The following CYBRD1 variants were observed in gnomAD, a reference collection of about 807,000 sequenced individuals.
The protein encoded by CYBRD1 is plasma membrane ascorbate-dependent reductase CYBRD1.
A neutral mutation model predicts 21.9 loss-of-function variants in CYBRD1; 14 were observed. That is an observed-to-expected ratio of 0.64 (90% CI 0.42 to 1.00). The LOEUF is 1.00. Among genes scored for constraint, CYBRD1 ranks in the 50% least tolerant of loss-of-function variants. The probability of loss-of-function intolerance (pLI) is 0.00; values close to 1 mark genes in which losing one functional copy is unlikely to be tolerated. For missense variants in CYBRD1, 328 were observed against 352.5 expected, an observed-to-expected ratio of 0.93 and a Z score of 0.56; for synonymous variants, 146 against 136.5, an observed-to-expected ratio of 1.07 and a Z score of -0.48.
intron 1 of CYBRD1, among the ~76,000 whole-genome samples, chr2:171,535,138 G>A (rs1370644957): frequency 6.6e-6 from 1 of 152,166 alleles, no homozygotes; most frequent in Admixed American, 6.6e-5. Flanking sequence ...GAGGAGAGAG[G>A]TTGGAAGTAG....
Position 171,554,712 on chromosome 2 carries a change from T to C in CYBRD1, c.746T>C (p.Met249Thr), listed in dbSNP as rs1398598898. The change falls in exon 4 of 4, where the codon ATG becomes ACG. Residue 249 changes from methionine (M) to threonine (T), a missense_variant. Physicochemically the swap from Met to Thr is moderately conservative, Grantham distance 81. Transcript: ENST00000321348. Reference protein sequence around the residue: ...GGTEQGARGSMPAYSGNNMDK... With the variant: ...GGTEQGARGSTPAYSGNNMDK... ...ACTGAACAGGGAGCAAGAGGTTCCA[T>C]GCCAGCCTACTCTGGCAACAACATG... is the stretch of plus-strand genomic sequence containing the variant. The C allele has an allele frequency of 5.0e-6, 8 of 1,613,932 alleles. No individual in the cohort carries two copies. Among genetic ancestry groups the C allele is most frequent in the Admixed American group, 3.3e-5 (2 of 59,960 alleles).
rs1239278990 is a variant in CYBRD1, at chr2:171,556,425, T to A, written c.*1598T>A. ...TGGGCTGACAAATTAAAACCTAGAGTAGTGCTTATGCTGAAATGATACTTT... is the reference window on the plus strand; with the variant it reads ...TGGGCTGACAAATTAAAACCTAGAGAAGTGCTTATGCTGAAATGATACTTT... On this transcript the variant is annotated 3_prime_UTR_variant, in exon 4 of 4. Coordinates refer to ENST00000321348, the MANE Select transcript of CYBRD1 (RefSeq NM_024843.4). 2 of 152,120 alleles carry A rather than the reference T, an allele frequency of 1.3e-5. No individual in the cohort carries two copies. The highest frequency in any genetic ancestry group is 2.9e-5 in the Non-Finnish European group (2 of 68,028). The allele number at this position is 152,120 out of a possible 1,614,324, so 9.4% of individuals were successfully genotyped here.
In CYBRD1 at chr2:171,557,267, C is replaced by A. The variant is rs1574448827; in HGVS notation, c.*2440C>A. On this transcript the variant is annotated 3_prime_UTR_variant, in exon 4 of 4. Transcript: ENST00000321348. ...TAAGCATCTCCCGAGAAAAATATCT[C>A]ATTAAAAAGCCCATAAATAATAGGG... 1 of 151,998 alleles carries A rather than the reference C, an allele frequency of 6.6e-6. No homozygotes were observed. Among genetic ancestry groups the A allele is most frequent in the East Asian group, 1.9e-4 (1 of 5,196 alleles). 9.4% of individuals were successfully genotyped at this position (151,998 alleles called of 1,614,324 possible).
Position 171,553,461 on chromosome 2 carries a change from C to T in CYBRD1, c.518C>T (p.Thr173Ile), listed in dbSNP as rs746106742. 3.7e-6 allele frequency: 6 copies of T among 1,613,310 alleles called. No homozygotes were observed. In the African/African-American group the frequency reaches 5.3e-5, roughly 14 times the overall value. Residue 173 changes from threonine to isoleucine, a missense_variant, in exon 3 of 4, where the codon ACA becomes ATA. Thr to Ile is a moderately conservative substitution (Grantham distance 89). Coordinates refer to ENST00000321348, the MANE Select transcript of CYBRD1 (RefSeq NM_024843.4). ...GIVIFGTVIA[T>I]ALMGLTEKLI... ...GTCATCTTTGGAACAGTGATTGCAA[C>T]AGCACTTATGGGATTGACAGAGAAA...
intron 1 of CYBRD1, among the ~76,000 whole-genome samples, chr2:171,533,865 C>T (rs532265049): frequency 1.1e-4 from 17 of 151,146 alleles, no homozygotes; most frequent in African/African-American, 3.2e-4. Context: ...CCACCATGCC[C>T]GGCTAATTTT....
chr2:171,531,721 C>T (rs1697470680), intron 1 of CYBRD1, among the ~76,000 whole-genome samples: 2 of 152,114 alleles, frequency 1.3e-5, no homozygotes, highest in South Asian at 4.2e-4. Context: ...ATTTTAGAGA[C>T]CAAATGTCTG....
At chr2:171,528,864 G>T (rs72884356) in intron 1 of CYBRD1, among the ~76,000 whole-genome samples, 17,395 of 152,216 alleles carry the variant, frequency 0.11, 1,308 homozygotes, top group Non-Finnish European at 0.17. Context: ...ACGAAATTAT[G>T]CAGTCATCTG....
chr2:171,550,552 T>G (rs1187897531), intron 2 of CYBRD1, among the ~76,000 whole-genome samples: 1 of 152,150 alleles, frequency 6.6e-6, no homozygotes, highest in African/African-American at 2.4e-5. Context: ...TTATAAATTA[T>G]AAGTTATTAT....
At position 171,542,651 on chromosome 2, in the gene CYBRD1, A is replaced by G. The variant is rs142075750; in HGVS notation, c.402+858A>G. On this transcript the variant is annotated intron_variant, in intron 2 of 3. Transcript: ENST00000321348. Reference sequence around the variant, plus strand: ...CCCAGCACTTTGAAAAGCTGAGACCAGTGGATCGCTTAAGCCCAGACGTTT... The same window carrying G: ...CCCAGCACTTTGAAAAGCTGAGACCGGTGGATCGCTTAAGCCCAGACGTTT... Among the ~76,000 whole-genome samples, 27 of 152,336 alleles carry G rather than the reference A, an allele frequency of 1.8e-4. No homozygotes were observed. In the East Asian group the frequency reaches 4.2e-3, roughly 24 times the overall value.
At chr2:171,544,727 A>G (rs1026718133) in intron 2 of CYBRD1, among the ~76,000 whole-genome samples, 16 of 152,180 alleles carry the variant, frequency 1.1e-4, no homozygotes, top group Admixed American at 4.6e-4. Context: ...TGCATCCTAT[A>G]GAGTATCTTA....
At chr2:171,540,512 G>A (rs551405112) in intron 1 of CYBRD1, among the ~76,000 whole-genome samples, 1 of 152,092 alleles carries the variant, frequency 6.6e-6, no homozygotes, top group South Asian at 2.1e-4. Flanking sequence ...GAGTGAAATT[G>A]CTGGACAATA....
chr2:171,541,108 C>A (rs1697624695), intron 1 of CYBRD1: 2 of 184,200 alleles, frequency 1.1e-5, no homozygotes, highest in African/African-American at 2.4e-5. Context: ...AGGCATAAAT[C>A]AGATTGTTAA....
In CYBRD1 at chr2:171,525,125, A is replaced by G. The variant is rs140981718; in HGVS notation, c.193+2387A>G. 2.1e-4 allele frequency among the ~76,000 whole-genome samples: 32 copies of G among 152,230 alleles called. 1 individual carries two copies. The highest frequency in any genetic ancestry group is 7.5e-4 in the African/African-American group (31 of 41,548). ...GCTAATTTTTGTATTTTTAGTAGAG[A>G]CGGGGTTTCACCATGTTGGCCAGGC... On this transcript the variant is annotated intron_variant, in intron 1 of 3. Coordinates refer to ENST00000321348, the MANE Select transcript of CYBRD1 (RefSeq NM_024843.4).
At chr2:171,530,351 C>T (rs567838602) in intron 1 of CYBRD1, among the ~76,000 whole-genome samples, 1 of 152,320 alleles carries the variant, frequency 6.6e-6, no homozygotes, top group East Asian at 1.9e-4. Context: ...GTATTGGCAT[C>T]GTCATCAGGT....
chr2:171,522,786 G>C lies in CYBRD1; in HGVS notation c.193+48G>C, dbSNP rs747492380. The C allele has an allele frequency of 6.2e-7, 1 of 1,610,450 alleles. No homozygotes were observed. On this transcript the variant is annotated intron_variant, in intron 1 of 3. Transcript: ENST00000321348. The surrounding 1 kb of genome is among the most constrained non-coding windows in gnomAD (Gnocchi z 4.3). ...TGCGGGGAGGAAAGCGGGGAGAACG[G>C]CGGGGGCAGAGGGTCCTCCGTGAAG...
intron 1 of CYBRD1, among the ~76,000 whole-genome samples, chr2:171,537,029 C>T (rs551836495): frequency 1.3e-5 from 2 of 152,302 alleles, no homozygotes; most frequent in East Asian, 3.9e-4. Context: ...CTCTCTGCCT[C>T]AGCTTCCTCT....
At chr2:171,533,279 A>G (rs774301304) in intron 1 of CYBRD1, among the ~76,000 whole-genome samples, 47 of 152,132 alleles carry the variant, frequency 3.1e-4, no homozygotes, top group Non-Finnish European at 7.4e-5. Context: ...AGGCATGAGA[A>G]TTGCTTGAAC....
intron 2 of CYBRD1, among the ~76,000 whole-genome samples, chr2:171,546,598 C>A (rs1476203433): frequency 6.6e-6 from 1 of 152,172 alleles, no homozygotes; most frequent in Non-Finnish European, 1.5e-5. Context: ...GTGGGTGATA[C>A]CTGTTCCACA....
chr2:171,522,373 C>G, upstream of CYBRD1: 1 of 1,498,152 alleles, frequency 6.7e-7, no homozygotes, highest in Non-Finnish European at 8.9e-7. This position sits in a 1 kb window ranked among gnomAD's most constrained non-coding sequence, Gnocchi z 4.3. Context: ...GGCCAGCTCC[C>G]CACCCCCAAG....
Sources: gnomAD v4.1 joint callset for allele counts (sites outside exome capture counted in the v4.1 genomes callset) on GRCh38, gnomAD v4.1.1 for gene constraint, Gnocchi (gnomAD v3.1) non-coding constraint, MANE v1.5 for transcripts, NCBI Gene and HGNC (gene_info 2026-07-23, HGNC 2026-07-21) for gene names.